Variants in MIPOL1 observed in about 807,000 individuals in gnomAD.
MIPOL1 encodes mirror-image polydactyly 1, also known as mirror-image polydactyly gene 1 protein.
A neutral mutation model predicts 60.9 loss-of-function variants in MIPOL1; 57 were observed. That is an observed-to-expected ratio of 0.94 (90% confidence interval 0.76 to 1.17). MIPOL1 has a LOEUF of 1.17. MIPOL1 is among the 50% of genes most tolerant of loss of function. The pLI is 0.00. For missense variants in MIPOL1, 551 were observed against 511.6 expected (o/e 1.08, Z -0.74); for synonymous variants, 179 against 168.8 (o/e 1.06, Z -0.47).
At chr14:37,299,261 G>T (rs931601276) in intron 7 of MIPOL1, among the ~76,000 whole-genome samples, 1 of 149,286 alleles carries the variant, frequency 6.7e-6, no homozygotes, top group African/African-American at 2.4e-5. Context: ...AACACAGGAA[G>T]GGGAACATCA....
chr14:37,470,812 AC>A (rs1308793249), intron 11 of MIPOL1, among the ~76,000 whole-genome samples: 1 of 152,144 alleles, frequency 6.6e-6, no homozygotes, highest in Non-Finnish European at 1.5e-5. Flanking sequence ...GTAAGCAGAA[AC>A]CAGAAGTGTA....
chr14:37,381,051 G>T lies in MIPOL1; in HGVS notation c.936+11427G>T, dbSNP rs181984086. On this transcript the variant is annotated intron_variant, in intron 10 of 12. Transcript: ENST00000684589. ...CTAATACCTACTTATCCTTTTTTCA[G>T]TTTGGCCACAGTACTTCAGGGAGAG... Among the ~76,000 whole-genome samples the T allele has an allele frequency of 1.4e-3, 212 of 151,926 alleles. 4 individuals are homozygous for T. The highest frequency in any genetic ancestry group is 4.8e-3 in the African/African-American group (201 of 41,458).
Position 37,448,399 on chromosome 14 carries a change from T to G in MIPOL1, c.1031+25450T>G, listed in dbSNP as rs2094369325. Among the ~76,000 whole-genome samples, 3 of 152,334 alleles carry G rather than the reference T, an allele frequency of 2.0e-5. No homozygotes were observed. In the South Asian group the frequency reaches 6.2e-4, roughly 32 times the overall value. On this transcript the variant is annotated intron_variant, in intron 11 of 12. Coordinates refer to ENST00000684589, the MANE Select transcript of MIPOL1 (RefSeq NM_001388067.1). ...GAAACTGGTATTTGTAGTAGTTTAT[T>G]TATAAAGTGCCCACAGTATCACTAG...
chr14:37,338,411 C>CAA (rs1567535546), intron 9 of MIPOL1, among the ~76,000 whole-genome samples: 1 of 65,564 alleles, frequency 1.5e-5, no homozygotes, highest in Non-Finnish European at 2.9e-5. Context: ...CGCCTGGCCC[C>CAA]CCCTTTTTTT....
At chr14:37,389,784 C>T (rs2093181673) in intron 10 of MIPOL1, among the ~76,000 whole-genome samples, 1 of 151,330 alleles carries the variant, frequency 6.6e-6, no homozygotes, top group African/African-American at 2.4e-5. Context: ...TTGGTTGATA[C>T]TGAGGGGAGG....
chr14:37,324,077 C>G (rs12890261), intron 9 of MIPOL1, among the ~76,000 whole-genome samples: 2 of 151,814 alleles, frequency 1.3e-5, no homozygotes, highest in African/African-American at 4.8e-5. Context: ...TGGTTAGACA[C>G]CTAAGAGTGG....
chr14:37,508,204 G>C (rs1297633744), intron 12 of MIPOL1, among the ~76,000 whole-genome samples: 1 of 152,016 alleles, frequency 6.6e-6, no homozygotes, highest in Non-Finnish European at 1.5e-5. Flanking sequence ...CAGTATTCCA[G>C]GGAATTTAAA....
intron 11 of MIPOL1, among the ~76,000 whole-genome samples, chr14:37,481,348 T>C (rs2094861217): frequency 6.6e-6 from 1 of 151,894 alleles, no homozygotes; most frequent in Non-Finnish European, 1.5e-5. Flanking sequence ...CAATGAAAAC[T>C]CTAAAATGTC....
At chr14:37,384,211 C>T (rs2093004714) in intron 10 of MIPOL1, among the ~76,000 whole-genome samples, 1 of 151,920 alleles carries the variant, frequency 6.6e-6, no homozygotes, top group African/African-American at 2.4e-5. Flanking sequence ...ATGTCGTTCA[C>T]ATTTGAGATG....
chr14:37,317,979 A>G (rs2088111027), intron 9 of MIPOL1, among the ~76,000 whole-genome samples: 1 of 152,218 alleles, frequency 6.6e-6, no homozygotes, highest in South Asian at 2.1e-4. Context: ...AGGTCTGAGA[A>G]GATAATATAA....
At chr14:37,523,628 T>C (rs1262983489) in intron 12 of MIPOL1, 5 of 373,028 alleles carry the variant, frequency 1.3e-5, no homozygotes, top group Middle Eastern at 3.3e-4. Flanking sequence ...ATCAATTGTA[T>C]TCATGTCCTA....
chr14:37,215,705 A>G (rs1967534977), intron 1 of MIPOL1, among the ~76,000 whole-genome samples: 6 of 152,198 alleles, frequency 3.9e-5, no homozygotes, highest in Admixed American at 3.3e-4. Flanking sequence ...TGAATTGATG[A>G]AAAAACAAGA....
At chr14:37,495,779 C>T (rs989776793) in intron 11 of MIPOL1, among the ~76,000 whole-genome samples, 2 of 151,618 alleles carry the variant, frequency 1.3e-5, no homozygotes, top group Non-Finnish European at 2.9e-5. Flanking sequence ...TCTCCACATC[C>T]TCTCCAGCAC....
rs548488041 is a variant in MIPOL1, at chr14:37,539,891, A to T, written c.1263-7014A>T. Among the ~76,000 whole-genome samples, 7 of 152,272 alleles carry T rather than the reference A, an allele frequency of 4.6e-5. No homozygotes were observed. The South Asian group carries it at 1.0e-3, about 23-fold the overall frequency. On this transcript the variant is annotated intron_variant, in intron 12 of 12. Transcript: ENST00000684589. ...GTAGTTCCCATAATCCCCATGTCTC[A>T]TCGGAGGGACCAGATGGAGATAATT...
intron 1 of MIPOL1, among the ~76,000 whole-genome samples, chr14:37,241,130 C>T (rs1408864946): frequency 1.3e-5 from 2 of 152,234 alleles, no homozygotes; most frequent in African/African-American, 2.4e-5. Context: ...AGTTTAACGA[C>T]TACTGAGCTT....
At chr14:37,520,290 T>C (rs1330614917) in intron 12 of MIPOL1, among the ~76,000 whole-genome samples, 1 of 152,180 alleles carries the variant, frequency 6.6e-6, no homozygotes, top group Non-Finnish European at 1.5e-5. Context: ...TTAATCAAAA[T>C]TTGAAATGTT....
At chr14:37,330,861 G>C (rs551522577) in intron 9 of MIPOL1, among the ~76,000 whole-genome samples, 2 of 152,080 alleles carry the variant, frequency 1.3e-5, no homozygotes, top group Non-Finnish European at 2.9e-5. Context: ...AAACAGACAA[G>C]TGATAAATTA....
At chr14:37,499,492 C>T (rs1195804069) in intron 11 of MIPOL1, among the ~76,000 whole-genome samples, 6 of 152,148 alleles carry the variant, frequency 3.9e-5, no homozygotes, top group African/African-American at 1.4e-4. Flanking sequence ...CATCCATTCT[C>T]ATTAAGTGCT....
chr14:37,247,315 CAAAT>C (rs970240055), intron 2 of MIPOL1, 75 bp downstream of exon 2: 2 of 152,150 alleles, frequency 1.3e-5, no homozygotes, highest in Non-Finnish European at 2.9e-5. Context: ...ACTACAAAAA[CAAAT>C]AAGAGAGAGG....
Sources: allele counts gnomAD v4.1 joint callset (sites outside exome capture counted in the v4.1 genomes callset), GRCh38; gene constraint gnomAD v4.1.1; transcripts MANE v1.5; gene names NCBI Gene and HGNC (gene_info 2026-07-23, HGNC 2026-07-21).